Variants in RIBC2 observed in about 807,000 individuals in gnomAD.
The protein encoded by RIBC2 is RIB43A domain with coiled-coils 2, also known as RIB43A-like with coiled-coils protein 2.
Under a neutral mutation model 44.3 loss-of-function variants are expected in RIBC2, and 40 were observed. That is an observed-to-expected ratio of 0.90 (90% confidence interval 0.70 to 1.18). The LOEUF (loss-of-function observed/expected upper bound fraction) is 1.18, where lower values mean the gene tolerates loss of function less well. Among genes scored for constraint, RIBC2 ranks in the 50% most tolerant of loss-of-function variants. The pLI, the probability that RIBC2 is intolerant of heterozygous loss-of-function variation, is 0.00. For synonymous variants in RIBC2, 171 were observed against 175.0 expected (o/e 0.98, Z 0.18); for missense variants, 459 against 485.5 (o/e 0.95, Z 0.51).
intron 2 of RIBC2, among the ~76,000 whole-genome samples, chr22:45,415,199 GA>G (rs10587079): frequency 0.29 from 36,171 of 126,628 alleles, 4,077 homozygotes; most frequent in Middle Eastern, 0.46. Flanking sequence ...AAAATAAATT[GA>G]AAAAAAAAAA....
chr22:45,426,120 A>C lies in RIBC2; in HGVS notation c.848A>C (p.Gln283Pro). Residue 283 changes from glutamine to proline, a missense_variant, in exon 5 of 7, where the codon CAG becomes CCG. Transcript: ENST00000614167. ...CCTGACCGCTGGAAGGGCATGACCCAGGAGCAGCTGGAGCAGATCCGCCTA... is the reference window on the plus strand; with the variant it reads ...CCTGACCGCTGGAAGGGCATGACCCCGGAGCAGCTGGAGCAGATCCGCCTA... ...VVPDRWKGMT[Q>P]EQLEQIRLVQ... The C allele has an allele frequency of 6.2e-7, 1 of 1,614,028 alleles. No homozygotes were observed. The highest frequency in any genetic ancestry group is 1.3e-5 in the African/African-American group (1 of 75,058).
intron 6 of RIBC2, 27 bp from the exon 7 acceptor site, chr22:45,432,257 C>CT (rs747390850): frequency 0.014 from 15,580 of 1,098,666 alleles, 6 homozygotes; most frequent in African/African-American, 0.023. Context: ...ATTTGCTGAC[C>CT]TTTTTTTTTT....
At chr22:45,430,193 C>T (rs889936858) in intron 5 of RIBC2, among the ~76,000 whole-genome samples, 2 of 152,238 alleles carry the variant, frequency 1.3e-5, no homozygotes, top group Non-Finnish European at 2.9e-5. Flanking sequence ...TCACCGGACA[C>T]ATCCTTGCTT....
chr22:45,421,514 TTAATAATAATAATA>T (rs2087479475), intron 3 of RIBC2, among the ~76,000 whole-genome samples: 1 of 62,880 alleles, frequency 1.6e-5, no homozygotes, highest in Non-Finnish European at 2.8e-5. Context: ...AATAGTATTA[TTAATAATAATAATA>T]GTATTATTAA....
rs764472164 is a variant in RIBC2 at position 45,414,053 on chromosome 22, G to C, written c.129+38G>C. On this transcript the variant is annotated intron_variant, in intron 1 of 6. Coordinates refer to ENST00000614167, the MANE Select transcript of RIBC2 (RefSeq NM_015653.5). ...GGGCCGGGACGGGGTTAGAGCGGCA[G>C]ATGCGGGCGAGGGGCTGCGTGGAGG... 5.8e-6 allele frequency: 9 copies of C among 1,548,958 alleles called. No homozygotes were observed. In the South Asian group the frequency reaches 1.1e-4, roughly 18 times the overall value.
intron 5 of RIBC2, among the ~76,000 whole-genome samples, 162 bp downstream of exon 5, chr22:45,426,337 T>TC (rs1294166490): frequency 6.6e-6 from 1 of 152,242 alleles, no homozygotes; most frequent in Non-Finnish European, 1.5e-5. Flanking sequence ...CCAGATAGTG[T>TC]CACACCCGTA....
At chr22:45,421,561 AT>A (rs1359974230) in intron 3 of RIBC2, among the ~76,000 whole-genome samples, 1 of 114,712 alleles carries the variant, frequency 8.7e-6, no homozygotes, top group Non-Finnish European at 1.8e-5. Flanking sequence ...TAATAATAGT[AT>A]TATTAATAAT....
chr22:45,431,265 C>T (rs371750679), intron 6 of RIBC2, among the ~76,000 whole-genome samples, 199 bp downstream of exon 6: 3 of 152,134 alleles, frequency 2.0e-5, no homozygotes, highest in Non-Finnish European at 4.4e-5. Flanking sequence ...ACACGGGGTG[C>T]ATGGGTGGAG....
intron 4 of RIBC2, 161 bp downstream of exon 4, chr22:45,422,569 A>G (rs1477625118): frequency 1.5e-6 from 1 of 656,386 alleles, no homozygotes; most frequent in Non-Finnish European, 2.7e-6. Context: ...CTGATGACAG[A>G]GATGGATGAG....
intron 2 of RIBC2, 145 bp downstream of exon 2, chr22:45,414,548 C>T: frequency 1.9e-6 from 1 of 513,778 alleles, no homozygotes; most frequent in South Asian, 3.0e-5. Context: ...CTATGTTGCC[C>T]AGGCTGGTCT....
intron 4 of RIBC2, among the ~76,000 whole-genome samples, chr22:45,422,730 T>G (rs572190033): frequency 6.6e-6 from 1 of 152,310 alleles, no homozygotes; most frequent in East Asian, 1.9e-4. Context: ...ACCGCCTAGC[T>G]CTGCTCCACT....
At chr22:45,414,042 T>G in intron 1 of RIBC2, 27 bp downstream of exon 1, 2 of 1,549,964 alleles carry the variant, frequency 1.3e-6, no homozygotes, top group Non-Finnish European at 1.7e-6. Flanking sequence ...CGGGACGGGG[T>G]TAGAGCGGCA....
chr22:45,432,270 C>A lies in RIBC2; in HGVS notation c.1071-14C>A. The A allele has an allele frequency of 7.2e-7, 1 of 1,384,020 alleles. No homozygotes were observed. Among genetic ancestry groups the A allele is most frequent in the Non-Finnish European group, 1.0e-6 (1 of 1,003,214 alleles). The allele number at this position is 1,384,020 out of a possible 1,614,324, so 85.7% of individuals were successfully genotyped here. A position where few individuals can be genotyped will look rare whatever the true frequency, so the allele number is the denominator to read the frequency against. The stretch of plus-strand genomic sequence containing the variant: ...ACATTTGCTGACCTTTTTTTTTTCT[C>A]ATTTTGTTATCAGGAAAAAATATAT... On this transcript the variant is annotated splice_polypyrimidine_tract_variant and intron_variant, in intron 6 of 6. Transcript: ENST00000614167.
Position 45,417,929 on chromosome 22 carries a change from C to G in RIBC2, c.539C>G (p.Ala180Gly). ...CAAAGGGAATGGAAGAACGCCCGTG[C>G]TGAACAAAAATGCGCAGGTAATGAA... ...QQQREWKNAR[A>G]EQKCAEALYT... is the part of the protein sequence containing the mutation. Residue 180 changes from alanine to glycine, a missense_variant, in exon 3 of 7, where the codon GCT (alanine) becomes GGT (glycine). Ala to Gly is a moderately conservative substitution (Grantham distance 60). Transcript: ENST00000614167. The G allele has an allele frequency of 6.2e-7, 1 of 1,602,176 alleles. No homozygotes were observed. Among genetic ancestry groups the G allele is most frequent in the Non-Finnish European group, 8.5e-7 (1 of 1,173,754 alleles).
rs1365353526 is a variant in RIBC2 at position 45,413,945 on chromosome 22, T to C, written c.59T>C (p.Leu20Pro). 6.4e-7 allele frequency: 1 copy of C among 1,551,672 alleles called. No individual in the cohort carries two copies. The highest frequency in any genetic ancestry group is 8.7e-7 in the Non-Finnish European group (1 of 1,146,996). The change falls in exon 1 of 7, where the codon CTG becomes CCG. Residue 20 changes from leucine to proline, a missense_variant. Leu to Pro is a moderately conservative substitution (Grantham distance 98). Transcript: ENST00000614167. ...AGGGACTTGCGGCAGGACGCCAACCTGGCAAAGAGGAGGCACGCGGAGCTG... is the reference window on the plus strand; with the variant it reads ...AGGGACTTGCGGCAGGACGCCAACCCGGCAAAGAGGAGGCACGCGGAGCTG... ...LPRDLRQDAN[L>P]AKRRHAELCR...
At position 45,422,411 on chromosome 22, in the gene RIBC2, A is replaced by G. The variant is rs1013225466; in HGVS notation, c.675+3A>G. The G allele has an allele frequency of 1.2e-5, 20 of 1,606,496 alleles. No homozygotes were observed. The highest frequency in any genetic ancestry group is 1.7e-5 in the Non-Finnish European group (20 of 1,173,176). On this transcript the variant is annotated splice_donor_region_variant and intron_variant, in intron 4 of 6. Coordinates refer to ENST00000614167, the MANE Select transcript of RIBC2 (RefSeq NM_015653.5). ...TGAAAGACTTCAACAAGAGCCAGGT[A>G]TAGGTACTCCGCGACCTCGGGCTCG...
At chr22:45,426,247 A>C in intron 5 of RIBC2, 72 bp downstream of exon 5, 8 of 1,332,782 alleles carry the variant, frequency 6.0e-6, no homozygotes, top group Non-Finnish European at 8.4e-6. Flanking sequence ...CCAGGCACAA[A>C]TGTAGTTGTA....
chr22:45,416,517 A>C (rs1420905750), intron 2 of RIBC2, among the ~76,000 whole-genome samples: 1 of 152,122 alleles, frequency 6.6e-6, no homozygotes, highest in Non-Finnish European at 1.5e-5. Flanking sequence ...GCTGGAGTTC[A>C]GTGGAGCGAT....
chr22:45,421,042 A>G (rs2087472086), intron 3 of RIBC2, among the ~76,000 whole-genome samples: 1 of 151,988 alleles, frequency 6.6e-6, no homozygotes, highest in African/African-American at 2.4e-5. Flanking sequence ...GTGATTCAAC[A>G]CTGTTCTTAC....
Sources: gnomAD v4.1 joint callset for allele counts (sites outside exome capture counted in the v4.1 genomes callset) on GRCh38, gnomAD v4.1.1 for gene constraint, MANE v1.5 for transcripts, NCBI Gene and HGNC (gene_info 2026-07-23, HGNC 2026-07-21) for gene names.